RCC1L: variants seen among roughly 807,000 people sequenced by gnomAD.
RCC1L encodes RCC1-like G exchanging factor-like protein.
Under a neutral mutation model 58.6 loss-of-function variants are expected in RCC1L, and 46 were observed. The ratio of observed to expected loss-of-function variants is 0.79; its 90% CI spans 0.62 to 1.00. The LOEUF is 1.00. Among genes scored for constraint, RCC1L ranks in the 50% least tolerant of loss-of-function variants. The pLI is 0.00. For synonymous variants in RCC1L, 281 were observed against 262.9 expected, an observed-to-expected ratio of 1.07 and a Z score of -0.67; for missense variants, 636 against 623.6, an observed-to-expected ratio of 1.02 and a Z score of -0.21.
intron 10 of RCC1L, among the ~76,000 whole-genome samples, chr7:75,051,492 C>T (rs2131986728): frequency 6.6e-6 from 1 of 151,990 alleles, no homozygotes; most frequent in East Asian, 1.9e-4. Context: ...TGGCTCACTG[C>T]AACCTCTGCC....
intron 10 of RCC1L, among the ~76,000 whole-genome samples, chr7:75,028,790 T>C (rs1037535516): frequency 0.94 from 143,397 of 152,278 alleles, 67,511 homozygotes; most frequent in Middle Eastern, 0.98. Flanking sequence ...CCCACACCAC[T>C]GTCCTCAGCC....
rs781878423 is a variant in RCC1L, at chr7:75,073,500, G to C, written c.238C>G (p.Pro80Ala). 2.8e-6 allele frequency: 4 copies of C among 1,415,660 alleles called. No homozygotes were observed. The African/African-American group carries it at 6.0e-5, about 21-fold the overall frequency. The allele number at this position is 1,415,660 out of a possible 1,614,324, so 87.7% of individuals were successfully genotyped here. Residue 80 changes from proline to alanine, a missense_variant, in exon 1 of 11, where the codon CCC becomes GCC. By Grantham distance (27) the Pro-to-Ala change is conservative. Coordinates refer to ENST00000610322, the MANE Select transcript of RCC1L (RefSeq NM_030798.5). ...GCGCGGGGCCCGGGCCCGGAGCTGG[G>C]CACCACAAAGGAAGGCACGCCCAGC... ...GALGVPSFVV[P>A]SSGPGPRAGA...
intron 1 of RCC1L, among the ~76,000 whole-genome samples, chr7:75,073,093 A>G (rs1239124347): frequency 1.3e-5 from 2 of 152,316 alleles, no homozygotes; most frequent in East Asian, 1.9e-4. Context: ...CACCGCATAT[A>G]AACAGCTAGC....
chr7:75,035,909 A>ACAGGAGGATTGCTTGAGCT (rs1433671614), intron 10 of RCC1L, among the ~76,000 whole-genome samples: 2 of 151,874 alleles, frequency 1.3e-5, no homozygotes, highest in Non-Finnish European at 2.9e-5. Flanking sequence ...GGAGGCTGAG[A>ACAGGAGGATTGCTTGAGCT]CAGGAGGATT....
chr7:75,027,799 T>C, exon 11 of RCC1L: 1 of 581,666 alleles, frequency 1.7e-6, no homozygotes, highest in Non-Finnish European at 3.1e-6. Flanking sequence ...CGGCGTTCTG[T>C]GTGTAGCGTA....
rs1806862166 is a variant in RCC1L at position 75,073,673 on chromosome 7, C to T, written c.65G>A (p.Gly22Glu). The change falls in exon 1 of 11, where the codon GGG becomes GAG. Residue 22 changes from glycine to glutamate, a missense_variant. By Grantham distance (98) the Gly-to-Glu change is moderately conservative. Coordinates refer to ENST00000610322, the MANE Select transcript of RCC1L (RefSeq NM_030798.5). ...CCCGGCCGCCGTCCAGTGCCCTCGC[C>T]CCAGCCCCGGCCCGCTCAGCCGCCG... The part of the protein sequence containing the change: ...LGRRLSGPGL[G>E]RGHWTAAGRS... 8.7e-6 allele frequency: 13 copies of T among 1,498,322 alleles called. No individual in the cohort carries two copies. The highest frequency in any genetic ancestry group is 1.2e-5 in the Non-Finnish European group (13 of 1,130,370). 92.8% of individuals were successfully genotyped at this position (1,498,322 alleles called of 1,614,324 possible).
At chr7:75,035,057 G>A (rs1484895310) in intron 10 of RCC1L, among the ~76,000 whole-genome samples, 3 of 151,984 alleles carry the variant, frequency 2.0e-5, no homozygotes, top group African/African-American at 4.8e-5. Flanking sequence ...TAGAGATGGA[G>A]TCTCGCTCTG....
chr7:75,064,509 C>G, intron 4 of RCC1L, 73 bp downstream of exon 4: 1 of 1,576,756 alleles, frequency 6.3e-7, no homozygotes, highest in Non-Finnish European at 8.7e-7. Flanking sequence ...CGCGGGTTTA[C>G]CACAGTCATC....
In RCC1L at chr7:75,073,592, T is replaced by A; in HGVS notation, c.146A>T (p.Gln49Leu). The change falls in exon 1 of 11, where the codon CAG becomes CTG. Residue 49 changes from glutamine to leucine, a missense_variant. Coordinates refer to ENST00000610322, the MANE Select transcript of RCC1L (RefSeq NM_030798.5). Reference sequence around the variant, plus strand: ...GCGGGCAGCGCGCTCGCCCACGTACTGGACCACGGGCACCTCCGCCTCGGC... The same window carrying A: ...GCGGGCAGCGCGCTCGCCCACGTACAGGACCACGGGCACCTCCGCCTCGGC... ...AEAEAEVPVV[Q>L]YVGERAARAD... 1 of 1,529,718 alleles carries A rather than the reference T, an allele frequency of 6.5e-7. No homozygotes were observed. Among genetic ancestry groups the A allele is most frequent in the Non-Finnish European group, 8.7e-7 (1 of 1,149,498 alleles). 94.8% of individuals were successfully genotyped at this position (1,529,718 alleles called of 1,614,324 possible).
intron 10 of RCC1L, 115 bp downstream of exon 10, chr7:75,052,596 G>C: frequency 1.1e-6 from 1 of 950,920 alleles, no homozygotes; most frequent in Non-Finnish European, 1.6e-6. Flanking sequence ...GACCCGGAAG[G>C]GGGAGCAGGT....
chr7:75,066,585 C>T (rs1432518818), intron 3 of RCC1L, 79 bp downstream of exon 3: 3 of 1,591,820 alleles, frequency 1.9e-6, no homozygotes, highest in Non-Finnish European at 2.6e-6. Context: ...GATCAAGCCA[C>T]TCAGGCCTGA....
intron 10 of RCC1L, among the ~76,000 whole-genome samples, chr7:75,048,388 A>AC (rs2131982827): frequency 6.6e-6 from 1 of 152,168 alleles, no homozygotes; most frequent in East Asian, 1.9e-4. Context: ...ACCGGTCCTG[A>AC]CCTGCAGGGC....
At chr7:75,060,808 A>G (rs1806251795) in intron 6 of RCC1L, among the ~76,000 whole-genome samples, 1 of 152,048 alleles carries the variant, frequency 6.6e-6, no homozygotes, top group African/African-American at 2.4e-5. Context: ...ACAGCAGGGC[A>G]CAGTGGCTCC....
chr7:75,059,846 G>C (rs1375773955), intron 6 of RCC1L, among the ~76,000 whole-genome samples: 2 of 152,066 alleles, frequency 1.3e-5, no homozygotes, highest in Admixed American at 6.6e-5. Context: ...AGAGAGGCTG[G>C]GCACAGTGGG....
chr7:75,057,688 G>A (rs1806125704), intron 7 of RCC1L, 72 bp from the exon 8 acceptor site: 1 of 1,380,944 alleles, frequency 7.2e-7, no homozygotes, highest in African/African-American at 1.4e-5. Flanking sequence ...CTGGTCTTAG[G>A]TACAGAGTAG....
At chr7:75,072,155 C>CATACATAT (rs1806760182) in intron 1 of RCC1L, among the ~76,000 whole-genome samples, 1 of 48,150 alleles carries the variant, frequency 2.1e-5, no homozygotes, top group African/African-American at 5.9e-5. Flanking sequence ...TATACATATA[C>CATACATAT]ATATACATAT....
chr7:75,043,864 G>C (rs1230766011), intron 10 of RCC1L, among the ~76,000 whole-genome samples: 59 of 152,254 alleles, frequency 3.9e-4, no homozygotes, highest in African/African-American at 1.3e-3. Context: ...TCCAGTCTGG[G>C]AATCAGGCCC....
intron 10 of RCC1L, among the ~76,000 whole-genome samples, chr7:75,047,346 A>T (rs1805755943): frequency 6.6e-6 from 1 of 152,082 alleles, no homozygotes; most frequent in South Asian, 2.1e-4. Flanking sequence ...AGCTCACTGC[A>T]GCTTCCAACT....
intron 10 of RCC1L, among the ~76,000 whole-genome samples, chr7:75,030,156 G>A (rs1805260265): frequency 6.6e-6 from 1 of 152,252 alleles, no homozygotes; most frequent in South Asian, 2.1e-4. Context: ...GAAATTGGAA[G>A]TGCAGGGTGG....
Sources: allele counts gnomAD v4.1 joint callset (sites outside exome capture counted in the v4.1 genomes callset), GRCh38; gene constraint gnomAD v4.1.1; transcripts MANE v1.5; gene names NCBI Gene and HGNC (gene_info 2026-07-23, HGNC 2026-07-21).